The following CHN1 variants were observed in gnomAD, a reference collection of about 807,000 sequenced individuals.
CHN1 encodes chimerin 1, also known as N-chimaerin.
A neutral mutation model predicts 59.5 loss-of-function variants in CHN1; 37 were observed. The observed-to-expected ratio is 0.62, with a 90% CI of 0.48 to 0.82. The LOEUF is 0.82. Ranked by LOEUF, CHN1 falls within the 40% of genes least tolerant of loss-of-function variation. The pLI is 0.00. For synonymous variants in CHN1, 206 were observed against 200.4 expected (o/e 1.03, Z -0.24); for missense variants, 469 against 571.0 (o/e 0.82, Z 1.82).
intron 8 of CHN1, among the ~76,000 whole-genome samples, chr2:174,814,312 G>C (rs183734583): frequency 6.6e-6 from 1 of 152,302 alleles, no homozygotes; most frequent in Non-Finnish European, 1.5e-5. Flanking sequence ...CTGAACAAAT[G>C]ACCCAACACT....
At chr2:174,890,955 T>A (rs1488082385) in intron 5 of CHN1, among the ~76,000 whole-genome samples, 3 of 149,214 alleles carry the variant, frequency 2.0e-5, no homozygotes, top group Non-Finnish European at 3.0e-5. Context: ...GCTAACACGG[T>A]GAAACCCTGT....
At chr2:174,845,673 C>T (rs1416198299) in intron 7 of CHN1, among the ~76,000 whole-genome samples, 8 of 149,140 alleles carry the variant, frequency 5.4e-5, no homozygotes, top group Middle Eastern at 3.4e-3. Flanking sequence ...TTACATAGCC[C>T]ACATATTTAA....
intron 6 of CHN1, among the ~76,000 whole-genome samples, chr2:174,854,885 T>C (rs1686848833): frequency 6.6e-6 from 1 of 152,204 alleles, no homozygotes; most frequent in African/African-American, 2.4e-5. Context: ...CAGGTCAAAT[T>C]ATAACCAATA....
At chr2:174,873,061 G>A (rs1347833160) in intron 6 of CHN1, among the ~76,000 whole-genome samples, 1 of 150,456 alleles carries the variant, frequency 6.6e-6, no homozygotes, top group Admixed American at 6.6e-5. Flanking sequence ...TAAGGAGGCT[G>A]TTTATACAGG....
chr2:174,952,391 A>C (rs1234368734), intron 1 of CHN1, among the ~76,000 whole-genome samples, 189 bp from the exon 2 acceptor site: 1 of 152,102 alleles, frequency 6.6e-6, no homozygotes, highest in Non-Finnish European at 1.5e-5. Flanking sequence ...TTTTACAAAG[A>C]TGTTTAAATA....
At chr2:174,996,618 A>C (rs1394753740) in intron 1 of CHN1, among the ~76,000 whole-genome samples, 2 of 152,144 alleles carry the variant, frequency 1.3e-5, no homozygotes, top group South Asian at 2.1e-4. Context: ...ACCAAATCCA[A>C]GCTCTTTCCA....
chr2:174,942,168 A>G (rs1455409391), intron 3 of CHN1, among the ~76,000 whole-genome samples: 1 of 152,224 alleles, frequency 6.6e-6, no homozygotes, highest in Non-Finnish European at 1.5e-5. Flanking sequence ...GGTTATATCC[A>G]AAGAAAAGGA....
At chr2:174,837,845 TTCCTTTGG>T (rs1686142788) in intron 7 of CHN1, among the ~76,000 whole-genome samples, 1 of 152,210 alleles carries the variant, frequency 6.6e-6, no homozygotes, top group South Asian at 2.1e-4. Context: ...TATATTCCAC[TTCCTTTGG>T]TGTATATACA....
intron 10 of CHN1, among the ~76,000 whole-genome samples, chr2:174,810,666 T>C (rs935808768): frequency 2.0e-5 from 3 of 152,210 alleles, no homozygotes; most frequent in African/African-American, 7.2e-5. Context: ...TCTTTGCTCT[T>C]ATCACATACA....
chr2:174,989,302 GA>G (rs1242150343), intron 1 of CHN1, among the ~76,000 whole-genome samples: 1 of 152,116 alleles, frequency 6.6e-6, no homozygotes, highest in East Asian at 1.9e-4. Flanking sequence ...CTTGAAACCA[GA>G]AGGCGGAGGT....
intron 7 of CHN1, among the ~76,000 whole-genome samples, chr2:174,830,332 C>T (rs1171824238): frequency 6.6e-6 from 1 of 152,164 alleles, no homozygotes; most frequent in Non-Finnish European, 1.5e-5. Flanking sequence ...GAATACATAA[C>T]ACTGGCTATG....
At chr2:174,834,983 G>A (rs1484156110) in intron 7 of CHN1, among the ~76,000 whole-genome samples, 1 of 152,168 alleles carries the variant, frequency 6.6e-6, no homozygotes, top group Non-Finnish European at 1.5e-5. Context: ...CATTACGTGT[G>A]GGATGAACAA....
chr2:174,933,671 G>A (rs556484603), intron 3 of CHN1, among the ~76,000 whole-genome samples: 1 of 152,330 alleles, frequency 6.6e-6, no homozygotes, highest in South Asian at 2.1e-4. Context: ...GCAGGGTCAA[G>A]AGAACTTTTT....
At chr2:174,941,823 G>A (rs1220422238) in intron 3 of CHN1, among the ~76,000 whole-genome samples, 1 of 151,944 alleles carries the variant, frequency 6.6e-6, no homozygotes, top group Non-Finnish European at 1.5e-5. Context: ...TTTCACCTCT[G>A]CCTTTTGCAA....
In CHN1 at chr2:174,983,829, A is replaced by AGAAT. The variant is rs1553489921; in HGVS notation, c.19+21064_19+21065insATTC. Among the ~76,000 whole-genome samples the AGAAT allele has an allele frequency of 3.8e-3, 576 of 152,046 alleles. 6 individuals carry two copies. Among genetic ancestry groups the AGAAT allele is most frequent in the African/African-American group, 0.013 (550 of 41,412 alleles). On this transcript the variant is annotated intron_variant, in intron 1 of 12. Coordinates refer to ENST00000409900, the MANE Select transcript of CHN1 (RefSeq NM_001822.7). ...GGCAACAGAGCAAGACTCCGTCTTA[A>AGAAT]AAATAAATAAATAAATAAATAAATA...
intron 6 of CHN1, among the ~76,000 whole-genome samples, chr2:174,869,818 T>C (rs942036248): frequency 1.3e-5 from 2 of 152,154 alleles, no homozygotes; most frequent in Non-Finnish European, 2.9e-5. Flanking sequence ...AAAGCCATTC[T>C]AAAGTTAATA....
intron 1 of CHN1, among the ~76,000 whole-genome samples, chr2:174,983,448 T>C (rs187129815): frequency 1.3e-5 from 2 of 152,020 alleles, no homozygotes; most frequent in Admixed American, 1.3e-4. Flanking sequence ...AGGTCCCACA[T>C]ACATGAAAAC....
chr2:174,930,287 A>T (rs1427723302), intron 3 of CHN1, among the ~76,000 whole-genome samples: 2 of 152,246 alleles, frequency 1.3e-5, no homozygotes, highest in African/African-American at 4.8e-5. Context: ...ACATAACAGA[A>T]GCAGTGTATT....
At chr2:174,895,483 G>C (rs1334055824) in intron 5 of CHN1, among the ~76,000 whole-genome samples, 4 of 152,010 alleles carry the variant, frequency 2.6e-5, no homozygotes, top group Non-Finnish European at 1.5e-5. Context: ...AGAGGAAAAA[G>C]TTCTGGAGAG....
Sources: allele counts gnomAD v4.1 joint callset (sites outside exome capture counted in the v4.1 genomes callset), GRCh38; gene constraint gnomAD v4.1.1; transcripts MANE v1.5; gene names NCBI Gene and HGNC (gene_info 2026-07-23, HGNC 2026-07-21).